The following BRINP3 variants were observed in gnomAD, a reference collection of about 807,000 sequenced individuals.
BRINP3 encodes the protein BMP/retinoic acid-inducible neural-specific protein 3.
A neutral mutation model predicts 71.0 loss-of-function variants in BRINP3; 19 were observed. The ratio of observed to expected loss-of-function variants is 0.27; its 90% CI spans 0.19 to 0.39. BRINP3 has a LOEUF of 0.39. Ranked by LOEUF, BRINP3 falls within the 10% of genes least tolerant of loss-of-function variation. The pLI, the probability that BRINP3 is intolerant of heterozygous loss-of-function variation, is 1.00. For synonymous variants in BRINP3, 380 were observed against 337.7 expected (o/e 1.13, Z -1.37); for missense variants, 959 against 940.8 (o/e 1.02, Z -0.25).
intron 7 of BRINP3, among the ~76,000 whole-genome samples, chr1:190,100,532 T>C (rs910285504): frequency 6.6e-6 from 1 of 152,168 alleles, no homozygotes; most frequent in Non-Finnish European, 1.5e-5. Context: ...CAAAGGAACA[T>C]TTTCTTAAGA....
intron 1 of BRINP3, among the ~76,000 whole-genome samples, chr1:190,466,913 G>T (rs1404006981): frequency 1.3e-5 from 2 of 151,208 alleles, no homozygotes; most frequent in African/African-American, 4.8e-5. Context: ...AAAATTATTG[G>T]AAATGTTTCC....
chr1:190,272,070 A>C (rs1019735075), intron 3 of BRINP3, among the ~76,000 whole-genome samples: 1 of 151,488 alleles, frequency 6.6e-6, no homozygotes, highest in African/African-American at 2.4e-5. Context: ...CACAAATAAG[A>C]GGGATTTCAT....
At chr1:190,145,727 T>C (rs1655827862) in intron 7 of BRINP3, among the ~76,000 whole-genome samples, 1 of 152,150 alleles carries the variant, frequency 6.6e-6, no homozygotes, top group Non-Finnish European at 1.5e-5. Context: ...TGCATACACA[T>C]TTTTATAGCA....
Position 190,212,134 on chromosome 1 carries a change from C to T in BRINP3, c.961+13948G>A, listed in dbSNP as rs552095033. ...TCCTTTACTTTTATATTCCAACTAC[C>T]AATTCCTTTAAAAGAGCTATGTTAT... is the stretch of plus-strand genomic sequence containing the variant. On this transcript the variant is annotated intron_variant, in intron 6 of 7. Transcript: ENST00000367462. Among the ~76,000 whole-genome samples, 57 of 152,106 alleles carry T rather than the reference C, an allele frequency of 3.7e-4. 1 individual carries two copies. The highest frequency in any genetic ancestry group is 1.2e-3 in the African/African-American group (51 of 41,508).
At chr1:190,240,739 G>A (rs1041153975) in intron 4 of BRINP3, among the ~76,000 whole-genome samples, 2 of 151,702 alleles carry the variant, frequency 1.3e-5, no homozygotes, top group Non-Finnish European at 2.9e-5. Flanking sequence ...GGGTGTGGTG[G>A]TGGGTGCCTG....
intron 2 of BRINP3, among the ~76,000 whole-genome samples, chr1:190,336,828 C>G (rs1173088819): frequency 1.1e-5 from 1 of 90,156 alleles, no homozygotes; most frequent in Non-Finnish European, 2.3e-5. Context: ...CCCTCCTTCC[C>G]TCCCTCCCTC....
intron 5 of BRINP3, among the ~76,000 whole-genome samples, chr1:190,227,544 A>T (rs1657513885): frequency 6.6e-6 from 1 of 151,868 alleles, no homozygotes; most frequent in Non-Finnish European, 1.5e-5. Flanking sequence ...AAAATAAAAG[A>T]TGCAACTATA....
chr1:190,372,958 C>G (rs1294618768), intron 2 of BRINP3, among the ~76,000 whole-genome samples: 1 of 151,910 alleles, frequency 6.6e-6, no homozygotes, highest in Non-Finnish European at 1.5e-5. Flanking sequence ...TATTGACTAA[C>G]AGGGGTATAT....
intron 6 of BRINP3, among the ~76,000 whole-genome samples, chr1:190,216,769 T>C (rs1656453862): frequency 6.6e-6 from 1 of 151,872 alleles, no homozygotes; most frequent in South Asian, 2.1e-4. Flanking sequence ...GCAAATTACT[T>C]CCTTCTTTTT....
intron 2 of BRINP3, among the ~76,000 whole-genome samples, chr1:190,439,740 T>C (rs756340890): frequency 3.3e-5 from 5 of 151,916 alleles, no homozygotes; most frequent in African/African-American, 4.8e-5. Context: ...GAAATAGAAG[T>C]AGAAAATTTG....
At chr1:190,251,862 A>G (rs1176768803) in intron 4 of BRINP3, among the ~76,000 whole-genome samples, 1 of 151,840 alleles carries the variant, frequency 6.6e-6, no homozygotes, top group Non-Finnish European at 1.5e-5. Context: ...TTCAAAACCA[A>G]CAAATAGTTT....
rs1330933651 is a variant in BRINP3, at chr1:190,162,134, C to T, written c.962-1244G>A. Among the ~76,000 whole-genome samples, 6 of 151,034 alleles carry T rather than the reference C, an allele frequency of 4.0e-5. No homozygotes were observed. In the East Asian group the frequency reaches 9.7e-4, roughly 24 times the overall value. On this transcript the variant is annotated intron_variant, in intron 6 of 7. Coordinates refer to ENST00000367462, the MANE Select transcript of BRINP3 (RefSeq NM_199051.3). ...AGAAAAGAGAAAACATTTTATAGGG[C>T]GTATCTGTCCAATATGCTTCAAACC...
intron 6 of BRINP3, among the ~76,000 whole-genome samples, chr1:190,171,747 A>G (rs987548603): frequency 1.4e-4 from 21 of 152,170 alleles, no homozygotes; most frequent in African/African-American, 4.8e-4. Flanking sequence ...ACACATAACT[A>G]GGAAGAATGG....
At chr1:190,412,161 A>G (rs895058213) in intron 2 of BRINP3, among the ~76,000 whole-genome samples, 1 of 151,994 alleles carries the variant, frequency 6.6e-6, no homozygotes, top group Non-Finnish European at 1.5e-5. Context: ...AAAAGTACCT[A>G]ACAGAAAAAG....
intron 6 of BRINP3, among the ~76,000 whole-genome samples, chr1:190,168,304 A>C (rs1240554582): frequency 2.0e-5 from 3 of 152,158 alleles, no homozygotes; most frequent in African/African-American, 7.2e-5. Flanking sequence ...TCAAATTCTC[A>C]GCCCTGAATC....
intron 2 of BRINP3, among the ~76,000 whole-genome samples, chr1:190,308,223 A>C (rs530741412): frequency 6.7e-6 from 1 of 150,300 alleles, no homozygotes; most frequent in East Asian, 1.9e-4. Context: ...AATTATATTT[A>C]ACGGCAACCT....
At chr1:190,384,191 T>C (rs1239674320) in intron 2 of BRINP3, among the ~76,000 whole-genome samples, 4 of 63,772 alleles carry the variant, frequency 6.3e-5, no homozygotes, top group African/African-American at 1.4e-4. Context: ...TTTCTTCAGG[T>C]TTTATTTTTG....
At chr1:190,355,954 T>C (rs936771145) in intron 2 of BRINP3, among the ~76,000 whole-genome samples, 1 of 151,926 alleles carries the variant, frequency 6.6e-6, no homozygotes, top group African/African-American at 2.4e-5. Context: ...GCTAGGTAGC[T>C]AGCATCTGTC....
intron 3 of BRINP3, among the ~76,000 whole-genome samples, chr1:190,268,219 C>G (rs1001263971): frequency 6.6e-6 from 1 of 152,092 alleles, no homozygotes; most frequent in Non-Finnish European, 1.5e-5. Context: ...ATAATTATAA[C>G]TATTTATGAT....
Sources: allele counts gnomAD v4.1 joint callset (sites outside exome capture counted in the v4.1 genomes callset), GRCh38; gene constraint gnomAD v4.1.1; transcripts MANE v1.5; gene names NCBI Gene and HGNC (gene_info 2026-07-23, HGNC 2026-07-21).